The following TCERG1 variants were observed in gnomAD, a reference collection of about 807,000 sequenced individuals.
TCERG1 encodes the protein TATA box binding protein (TBP)-associated factor, RNA polymerase II, S, 150kD.
Under a neutral mutation model 144.7 loss-of-function variants are expected in TCERG1, and 37 were observed. The ratio of observed to expected loss-of-function variants is 0.26; its 90% confidence interval spans 0.20 to 0.34. The LOEUF (loss-of-function observed/expected upper bound fraction) is 0.34. Among genes scored for constraint, TCERG1 ranks in the 10% least tolerant of loss-of-function variants. TCERG1 has a pLI of 1.00. For missense variants in TCERG1, 1,027 were observed against 1,380.7 expected (o/e 0.74, Z 4.06); for synonymous variants, 492 against 458.2 (o/e 1.07, Z -0.94).
intron 19 of TCERG1, among the ~76,000 whole-genome samples, chr5:146,506,486 CTTTG>C (rs1458611492): frequency 2.0e-5 from 3 of 152,186 alleles, no homozygotes; most frequent in African/African-American, 7.2e-5. Context: ...ATATTCATCA[CTTTG>C]TTTGCTTATA....
chr5:146,465,458 A>T (rs1763694513), intron 5 of TCERG1, among the ~76,000 whole-genome samples: 1 of 152,164 alleles, frequency 6.6e-6, no homozygotes, highest in African/African-American at 2.4e-5. Flanking sequence ...TCACAATAAA[A>T]TCCCTCTGGC....
intron 7 of TCERG1, among the ~76,000 whole-genome samples, chr5:146,470,360 A>G (rs560879878): frequency 3.3e-5 from 5 of 152,286 alleles, no homozygotes; most frequent in Admixed American, 6.5e-5. Flanking sequence ...TTTTAGCAAA[A>G]TGAATGATTG....
intron 2 of TCERG1, among the ~76,000 whole-genome samples, chr5:146,456,191 T>G (rs975162260): frequency 3.3e-5 from 5 of 152,348 alleles, no homozygotes; most frequent in Admixed American, 6.5e-5. Flanking sequence ...ATGGCCTTCC[T>G]AATAACGAAT....
At chr5:146,458,538 T>A (rs568384300) in intron 3 of TCERG1, among the ~76,000 whole-genome samples, 10 of 151,894 alleles carry the variant, frequency 6.6e-5, no homozygotes, top group African/African-American at 2.4e-4. Context: ...AGTGGTATGA[T>A]CTCGGCGCAC....
At chr5:146,510,335 A>T in intron 22 of TCERG1, 106 bp from the exon 23 acceptor site, 2 of 936,382 alleles carry the variant, frequency 2.1e-6, no homozygotes, top group Non-Finnish European at 3.1e-6. Context: ...AAAAAAAAAA[A>T]AAAAAATGGA....
intron 15 of TCERG1, among the ~76,000 whole-genome samples, chr5:146,492,005 C>T (rs1287919831): frequency 6.6e-6 from 1 of 152,180 alleles, no homozygotes; most frequent in Non-Finnish European, 1.5e-5. Context: ...ATAAAAACAA[C>T]CCGTAGGCCA....
Position 146,507,803 on chromosome 5 carries a change from A to C in TCERG1, c.2962-70A>C. On this transcript the variant is annotated intron_variant, in intron 20 of 22. Transcript: ENST00000679501. The surrounding 1 kb of genome is among the most constrained non-coding windows in gnomAD (Gnocchi z 4.6). ...GGTCAGTGTGTAATATTATGTACCT[A>C]TGTGCTGCAGTTTGACTCCCTAAGT... 1.0e-5 allele frequency: 10 copies of C among 972,824 alleles called. No homozygotes were observed. The highest frequency in any genetic ancestry group is 1.6e-5 in the Non-Finnish European group (10 of 634,256). 60.3% of individuals were successfully genotyped at this position (972,824 alleles called of 1,614,324 possible).
chr5:146,504,878 C>T (rs1017167259), intron 19 of TCERG1, among the ~76,000 whole-genome samples: 2 of 152,070 alleles, frequency 1.3e-5, no homozygotes, highest in Non-Finnish European at 2.9e-5. Flanking sequence ...GAAACCCCGT[C>T]TCTAATAAAA....
intron 19 of TCERG1, among the ~76,000 whole-genome samples, chr5:146,505,774 TTTTTTTA>T (rs1243169649): frequency 2.6e-5 from 4 of 152,138 alleles, no homozygotes; most frequent in Non-Finnish European, 5.9e-5. Flanking sequence ...ATCCTTTTTG[TTTTTTTA>T]TTTTTTATTT....
In TCERG1 at chr5:146,483,601, T is replaced by C; in HGVS notation, c.2135T>C (p.Leu712Ser). 1 of 1,612,336 alleles carries C rather than the reference T, an allele frequency of 6.2e-7. No homozygotes were observed. Among genetic ancestry groups the C allele is most frequent in the Non-Finnish European group, 8.5e-7 (1 of 1,179,006 alleles). ...LHKIVFDPRY[L>S]LLNPKERKQV... is the part of the protein sequence containing the mutation. The stretch of plus-strand genomic sequence containing the variant: ...AAGATAGTTTTTGATCCCCGGTACT[T>C]ACTTCTCAATCCTAAAGAGAGAAAA... Residue 712 changes from leucine (L) to serine (S), a missense_variant, in exon 15 of 23, where the codon TTA becomes TCA. Physicochemically the swap from Leu to Ser is moderately radical, Grantham distance 145. This residue lies in a region of TCERG1 where 482 missense variants were observed against 632.6 expected (regional missense o/e 0.76). Transcript: ENST00000679501.
intron 1 of TCERG1, among the ~76,000 whole-genome samples, chr5:146,453,728 A>G (rs1055535746): frequency 6.6e-6 from 1 of 151,994 alleles, no homozygotes; most frequent in Non-Finnish European, 1.5e-5. Flanking sequence ...GCCTGAGGTC[A>G]GGAGTTCAAG....
chr5:146,479,811 A>G lies in TCERG1; in HGVS notation c.1763-44A>G, dbSNP rs150365682. 9.8e-5 allele frequency: 157 copies of G among 1,603,332 alleles called. 1 individual carries two copies. In the African/African-American group the frequency reaches 1.9e-3, roughly 19 times the overall value. On this transcript the variant is annotated intron_variant, in intron 10 of 22. Coordinates refer to ENST00000679501, the MANE Select transcript of TCERG1 (RefSeq NM_001382548.1). ...TTTTAAAAAGAAAAGTTTGTGAAAT[A>G]TATGCAAATGACTTTGTAACAATAT... is the stretch of plus-strand genomic sequence containing the variant.
At chr5:146,476,351 C>G (rs575732767) in intron 9 of TCERG1, among the ~76,000 whole-genome samples, 32 of 152,202 alleles carry the variant, frequency 2.1e-4, no homozygotes, top group African/African-American at 7.5e-4. Context: ...TGATAGTGAC[C>G]TAATTACTCA....
chr5:146,478,338 A>G, intron 9 of TCERG1, 155 bp from the exon 10 acceptor site: 1 of 708,356 alleles, frequency 1.4e-6, no homozygotes, highest in Non-Finnish European at 2.0e-6. Flanking sequence ...TTATCTTGTA[A>G]AAACCATGTT....
At chr5:146,505,717 A>ACT (rs57632079) in intron 19 of TCERG1, 41,145 of 151,992 alleles carry the variant, frequency 0.27, 6,729 homozygotes, top group East Asian at 0.84. Context: ...TCAGCATATG[A>ACT]CTGCAGCACT....
chr5:146,493,131 T>C (rs571886274), intron 16 of TCERG1, 93 bp downstream of exon 16: 1 of 937,440 alleles, frequency 1.1e-6, no homozygotes, highest in African/African-American at 1.8e-5. Flanking sequence ...TTTTTGACTA[T>C]TTGGGCACTA....
At chr5:146,476,322 T>C (rs1764835125) in intron 9 of TCERG1, among the ~76,000 whole-genome samples, 1 of 152,242 alleles carries the variant, frequency 6.6e-6, no homozygotes, top group Non-Finnish European at 1.5e-5. Context: ...CATTTCTTGC[T>C]GAAAATACTG....
intron 9 of TCERG1, among the ~76,000 whole-genome samples, chr5:146,476,196 C>G (rs1764825020): frequency 6.6e-6 from 1 of 152,056 alleles, no homozygotes. Flanking sequence ...ACTTCTTTGG[C>G]AGACCCAGCT....
At chr5:146,473,147 A>G (rs1221979930) in intron 9 of TCERG1, among the ~76,000 whole-genome samples, 2 of 152,234 alleles carry the variant, frequency 1.3e-5, no homozygotes, top group Admixed American at 1.3e-4. Flanking sequence ...GAAGGAAATG[A>G]AAAGTGCTAT....
Sources: gnomAD v4.1 joint callset for allele counts (sites outside exome capture counted in the v4.1 genomes callset) on GRCh38, gnomAD v4.1.1 for gene constraint, gnomAD v4.1.1 regional missense constraint, Gnocchi (gnomAD v3.1) non-coding constraint, MANE v1.5 for transcripts, NCBI Gene and HGNC (gene_info 2026-07-23, HGNC 2026-07-21) for gene names.